Variants in LRP2 observed in about 807,000 individuals in gnomAD.
The protein encoded by LRP2 is low-density lipoprotein receptor-related protein 2.
LRP2 carries 172 observed loss-of-function variants against 531.0 expected under a neutral mutation model. That is an observed-to-expected ratio of 0.32 (90% CI 0.29 to 0.37). LRP2 has a LOEUF of 0.37. Among genes scored for constraint, LRP2 ranks in the 10% least tolerant of loss-of-function variants. LRP2 has a pLI of 1.00. For missense variants in LRP2, 5,167 were observed against 5,868.3 expected (o/e 0.88, Z 3.90); for synonymous variants, 1,992 against 2,027.6 (o/e 0.98, Z 0.47).
chr2:169,294,979 A>T (rs768195363), intron 4 of LRP2, among the ~76,000 whole-genome samples: 2 of 152,212 alleles, frequency 1.3e-5, no homozygotes, highest in Non-Finnish European at 2.9e-5. Flanking sequence ...ACTGCATAGC[A>T]GAGAGATTTG....
intron 35 of LRP2, among the ~76,000 whole-genome samples, 181 bp from the exon 36 acceptor site, chr2:169,214,051 A>G (rs949142918): frequency 6.6e-6 from 1 of 152,150 alleles, no homozygotes; most frequent in Non-Finnish European, 1.5e-5. Context: ...CAGGTCAGGA[A>G]AATGTCACTG....
At chr2:169,179,729 A>AG in intron 52 of LRP2, among the ~76,000 whole-genome samples, 1 of 152,036 alleles carries the variant, frequency 6.6e-6, no homozygotes, top group East Asian at 2.0e-4. Context: ...TCAAAAAAAA[A>AG]AAGTAAGAGT....
At chr2:169,312,528 G>A (rs1183447589) in intron 3 of LRP2, among the ~76,000 whole-genome samples, 1 of 152,046 alleles carries the variant, frequency 6.6e-6, no homozygotes, top group East Asian at 1.9e-4. Context: ...TTGAATATTG[G>A]CCCCCCCTCT....
chr2:169,216,607 T>C (rs947821557), intron 34 of LRP2, among the ~76,000 whole-genome samples, 177 bp from the exon 35 acceptor site: 3 of 152,196 alleles, frequency 2.0e-5, no homozygotes, highest in African/African-American at 7.2e-5. Context: ...GTTCTACCAA[T>C]GTCGGTATAT....
intron 76 of LRP2, 87 bp from the exon 77 acceptor site, chr2:169,132,768 CT>C: frequency 1.3e-6 from 1 of 765,638 alleles, no homozygotes; most frequent in Non-Finnish European, 2.4e-6. Context: ...AACTCTGGCT[CT>C]TTTTGCCATC....
At chr2:169,187,724 T>A (rs1456178156) in intron 49 of LRP2, among the ~76,000 whole-genome samples, 1 of 152,238 alleles carries the variant, frequency 6.6e-6, no homozygotes, top group Non-Finnish European at 1.5e-5. Flanking sequence ...TGTTAAATGA[T>A]GGCCTGAATA....
chr2:169,242,982 C>T lies in LRP2; in HGVS notation c.3641G>A (p.Ser1214Asn). The change falls in exon 24 of 79, where the codon AGT (serine) becomes AAT (asparagine). Residue 1214 changes from serine (S) to asparagine (N), a missense_variant. This residue lies in a region of LRP2 where 2,811 missense variants were observed against 3,058.0 expected (regional missense o/e 0.92). Transcript: ENST00000649046. Reference sequence around the variant, plus strand: ...ACAGCCTGCTTCATCCGAGTTGTCACTGCAATCAAAAACACCATCACAACG... The same window carrying T: ...ACAGCCTGCTTCATCCGAGTTGTCATTGCAATCAAAAACACCATCACAACG... ...TNRCDGVFDCSDNSDEAGCPT... is the reference protein window; with the variant it reads ...TNRCDGVFDCNDNSDEAGCPT... 6.2e-7 allele frequency: 1 copy of T among 1,614,038 alleles called. No individual in the cohort carries two copies.
intron 50 of LRP2, among the ~76,000 whole-genome samples, chr2:169,183,634 C>G (rs1687520396): frequency 6.6e-6 from 1 of 152,170 alleles, no homozygotes; most frequent in South Asian, 2.1e-4. Flanking sequence ...ATTAATTTCT[C>G]TTTATTCCAC....
intron 1 of LRP2, among the ~76,000 whole-genome samples, chr2:169,357,844 G>T (rs1407865572): frequency 6.6e-6 from 1 of 152,130 alleles, no homozygotes; most frequent in Admixed American, 6.5e-5. Context: ...CATGAACAAT[G>T]ATTATGACCT....
At chr2:169,137,533 GA>G (rs1199224920) in intron 75 of LRP2, 40 bp from the exon 76 acceptor site, 2 of 1,159,142 alleles carry the variant, frequency 1.7e-6, no homozygotes, top group African/African-American at 3.1e-5. Flanking sequence ...GAGAGAGAGA[GA>G]AACAGAGAGA....
intron 1 of LRP2, among the ~76,000 whole-genome samples, chr2:169,349,093 G>A (rs756863273): frequency 9.2e-5 from 14 of 152,148 alleles, no homozygotes; most frequent in Non-Finnish European, 1.8e-4. Context: ...TAAAAGAGAT[G>A]AAAATCCCTG....
In LRP2 at chr2:169,237,164, T is replaced by C. The variant is rs1689636955; in HGVS notation, c.4630A>G (p.Thr1544Ala). The C allele has an allele frequency of 6.2e-7, 1 of 1,613,918 alleles. No homozygotes were observed. Among genetic ancestry groups the C allele is most frequent in the Non-Finnish European group, 8.5e-7 (1 of 1,179,948 alleles). The change falls in exon 28 of 79, where the codon ACT becomes GCT. Residue 1544 changes from threonine (T) to alanine (A), a missense_variant. Thr to Ala is a moderately conservative substitution (Grantham distance 58). Coordinates refer to ENST00000649046, the MANE Select transcript of LRP2 (RefSeq NM_004525.3). ...GTTAGGTTTTTACTAATCAGCACAG[T>C]CCTGTGGCTCCCATCAATTTTGGAG... ...EVSKIDGSHR[T>A]VLISKNLTNP...
Position 169,206,717 on chromosome 2 carries a change from G to A in LRP2, c.7003C>T (p.Pro2335Ser), listed in dbSNP as rs1180979293. The change falls in exon 39 of 79, where the codon CCC becomes TCC. Residue 2335 changes from proline to serine, a missense_variant. By Grantham distance (74) the Pro-to-Ser change is moderately conservative. Coordinates refer to ENST00000649046, the MANE Select transcript of LRP2 (RefSeq NM_004525.3). ...DVTIFDKQVQPRSPAEVNNNP... is the reference protein window; with the variant it reads ...DVTIFDKQVQSRSPAEVNNNP... ...TTGTTGACCTCTGCTGGTGACCGGGGCTGGACTTGCTTGTCAAAGATGGTC... is the reference window on the plus strand; with the variant it reads ...TTGTTGACCTCTGCTGGTGACCGGGACTGGACTTGCTTGTCAAAGATGGTC... The A allele has an allele frequency of 6.2e-7, 1 of 1,614,032 alleles. No homozygotes were observed. Among genetic ancestry groups the A allele is most frequent in the Non-Finnish European group, 8.5e-7 (1 of 1,180,028 alleles).
intron 54 of LRP2, 24 bp from the exon 55 acceptor site, chr2:169,175,413 T>G: frequency 2.5e-6 from 4 of 1,610,996 alleles, no homozygotes; most frequent in Non-Finnish European, 3.4e-6. Flanking sequence ...ATACAGCACT[T>G]CTTTAGCAAA....
chr2:169,185,900 A>C lies in LRP2; in HGVS notation c.9448T>G (p.Cys3150Gly). The change falls in exon 50 of 79, where the codon TGT (cysteine) becomes GGT (glycine). Residue 3150 changes from cysteine (C) to glycine (G), a missense_variant. By Grantham distance (159) the Cys-to-Gly change is radical. Transcript: ENST00000649046. ...GYKLMSDKRT[C>G]VDIDECTEMP... is the part of the protein sequence containing the mutation. Reference sequence around the variant, plus strand: ...TCTGTGCATTCATCAATATCAACACAAGTCCGCTTGTCAGACATGAGCTTG... The same window carrying C: ...TCTGTGCATTCATCAATATCAACACCAGTCCGCTTGTCAGACATGAGCTTG... 6.2e-7 allele frequency: 1 copy of C among 1,613,970 alleles called. No individual in the cohort carries two copies. The highest frequency in any genetic ancestry group is 8.5e-7 in the Non-Finnish European group (1 of 1,179,950).
chr2:169,211,234 C>T (rs1001013018), intron 37 of LRP2, among the ~76,000 whole-genome samples: 4 of 152,156 alleles, frequency 2.6e-5, no homozygotes, highest in African/African-American at 9.7e-5. Flanking sequence ...CCTTCATTGA[C>T]TTCATCCTTT....
At chr2:169,181,391 C>G (rs1373710463) in intron 52 of LRP2, 57 bp downstream of exon 52, 1 of 1,547,542 alleles carries the variant, frequency 6.5e-7, no homozygotes, top group Non-Finnish European at 8.9e-7. Context: ...GAATCACAAG[C>G]TCTGATGTTT....
chr2:169,228,830 T>C (rs1689295891), intron 31 of LRP2, among the ~76,000 whole-genome samples: 1 of 152,172 alleles, frequency 6.6e-6, no homozygotes, highest in African/African-American at 2.4e-5. Context: ...AGAAAGGAAC[T>C]GGCCAGTAAG....
At position 169,184,749 on chromosome 2, in the gene LRP2, G is replaced by GT. The variant is rs373418121; in HGVS notation, c.9845+753dup. On this transcript the variant is annotated intron_variant, in intron 50 of 78. Transcript: ENST00000649046. ...ATGCTGGGAATGACTAGTATTGGTT[G>GT]TTTTTTTTGTTTTGTTTGTTTTGTT... is the stretch of plus-strand genomic sequence containing the variant. Among the ~76,000 whole-genome samples the GT allele has an allele frequency of 3.6e-3, 478 of 131,842 alleles. 3 individuals carry two copies. The highest frequency in any genetic ancestry group is 0.013 in the African/African-American group (450 of 34,288). 86.5% of individuals were successfully genotyped at this position (131,842 alleles called of 152,430 possible). A position where few individuals can be genotyped will look rare whatever the true frequency, so the allele number is the denominator to read the frequency against.
Sources: allele counts gnomAD v4.1 joint callset (sites outside exome capture counted in the v4.1 genomes callset), GRCh38; gene constraint gnomAD v4.1.1; regional missense constraint gnomAD v4.1.1; transcripts MANE v1.5; gene names NCBI Gene and HGNC (gene_info 2026-07-23, HGNC 2026-07-21).